Variants in DAB2IP observed in about 807,000 individuals in gnomAD.
DAB2IP encodes DAB2 interacting protein, also known as disabled homolog 2-interacting protein.
DAB2IP carries 28 observed loss-of-function variants against 107.2 expected under a neutral mutation model. The observed-to-expected ratio is 0.26, with a 90% confidence interval of 0.19 to 0.36. The LOEUF (loss-of-function observed/expected upper bound fraction) is 0.36, where lower values mean the gene tolerates loss of function less well. Ranked by LOEUF, DAB2IP falls within the 10% of genes least tolerant of loss-of-function variation. DAB2IP has a pLI of 1.00. For synonymous variants in DAB2IP, 755 were observed against 706.4 expected (o/e 1.07, Z -1.09); for missense variants, 1,400 against 1,644.7 (o/e 0.85, Z 2.57).
In DAB2IP at chr9:121,770,631, C is replaced by T. The variant is rs148506189; in HGVS notation, c.1985C>T (p.Pro662Leu). ...AGCACCCCAGGTAGCGGGCAGCTCC[C>T]AGGGACCAATGACCTGGCCTCCACA... Residue 662 changes from proline to leucine, a missense_variant, in exon 11 of 16, where the codon CCA becomes CTA. Around this residue, in one of 3 missense-constraint regions of DAB2IP, gnomAD observed 517 missense variants for 748.6 expected, o/e 0.69. Coordinates refer to ENST00000408936, the Ensembl canonical transcript of DAB2IP. 4.3e-6 allele frequency: 7 copies of T among 1,614,038 alleles called. No homozygotes were observed. Among genetic ancestry groups the T allele is most frequent in the African/African-American group, 1.3e-5 (1 of 74,910 alleles).
intron 3 of DAB2IP, among the ~76,000 whole-genome samples, chr9:121,718,478 GGAGTCTCCAGACTC>G (rs986944334): frequency 6.6e-6 from 1 of 152,084 alleles, no homozygotes; most frequent in Non-Finnish European, 1.5e-5. Flanking sequence ...AAGTCCCTCG[GGAGTCTCCAGACTC>G]GAGTCCTTAC....
chr9:121,785,305 A>G lies in DAB2IP; in HGVS notation c.*2807A>G, dbSNP rs559657344. ...CTCTTTTCTACACACTCAGCCACAA[A>G]GCCCCCCAGCTCCCACACCGCGTCC... On this transcript the variant is annotated 3_prime_UTR_variant, in exon 16 of 16. Coordinates refer to ENST00000408936, the Ensembl canonical transcript of DAB2IP. 2.6e-5 allele frequency: 4 copies of G among 152,608 alleles called. No homozygotes were observed. The East Asian group carries it at 5.8e-4, about 22-fold the overall frequency. 9.5% of individuals were successfully genotyped at this position (152,608 alleles called of 1,614,324 possible). A position where few individuals can be genotyped will look rare whatever the true frequency, so the allele number is the denominator to read the frequency against.
intron 1 of DAB2IP, among the ~76,000 whole-genome samples, chr9:121,577,108 C>A: frequency 6.6e-6 from 1 of 152,240 alleles, no homozygotes; most frequent in South Asian, 2.1e-4. Flanking sequence ...GGAGCCACAT[C>A]CCTCCATGTC....
intron 12 of DAB2IP, 52 bp downstream of exon 12, chr9:121,773,547 C>A: frequency 7.1e-7 from 1 of 1,411,438 alleles, no homozygotes; most frequent in Non-Finnish European, 9.2e-7. Flanking sequence ...CCAGCTGGGG[C>A]TGTCATACCC....
chr9:121,696,057 C>T (rs540521749), intron 2 of DAB2IP, among the ~76,000 whole-genome samples: 47 of 151,896 alleles, frequency 3.1e-4, no homozygotes, highest in Non-Finnish European at 3.7e-4. Flanking sequence ...TTAGTAGAGA[C>T]GGGGTTTTGC....
At chr9:121,603,052 T>C (rs1334745925) in intron 1 of DAB2IP, among the ~76,000 whole-genome samples, 4 of 152,044 alleles carry the variant, frequency 2.6e-5, no homozygotes, top group East Asian at 1.9e-4. Flanking sequence ...CCTGGAGGGG[T>C]TGGCAGAAAC....
chr9:121,651,751 G>A lies in DAB2IP; in HGVS notation c.-25G>A, dbSNP rs1474269192. On this transcript the variant is annotated 5_prime_UTR_variant, in exon 1 of 16. Transcript: ENST00000408936. The surrounding 1 kb of genome is among the most constrained non-coding windows in gnomAD (Gnocchi z 5.1). ...GGCCCGTGTGAGCGCGCCCAGGCCC[G>A]GCCCGGTGCCCGGCGGGCGGCAGCA... is the stretch of plus-strand genomic sequence containing the variant. 3.1e-6 allele frequency: 4 copies of A among 1,305,202 alleles called. No individual in the cohort carries two copies. Among genetic ancestry groups the A allele is most frequent in the Non-Finnish European group, 2.9e-6 (3 of 1,022,050 alleles). 80.9% of individuals were successfully genotyped at this position (1,305,202 alleles called of 1,614,324 possible).
chr9:121,576,786 G>C (rs1465504929), intron 1 of DAB2IP, among the ~76,000 whole-genome samples: 2 of 152,172 alleles, frequency 1.3e-5, no homozygotes, highest in African/African-American at 4.8e-5. Context: ...TTCTGGGCTT[G>C]CTGTGTCTGA....
At position 121,783,469 on chromosome 9, in the gene DAB2IP, A is replaced by G. The variant is rs79501541; in HGVS notation, c.*971A>G. 8,138 of 1,613,266 alleles carry G rather than the reference A, an allele frequency of 5.0e-3. 287 individuals are homozygous for G. The African/African-American group carries it at 0.085, about 17-fold the overall frequency. On this transcript the variant is annotated 3_prime_UTR_variant, in exon 16 of 16. Transcript: ENST00000408936. ...TGATCCTTCCTCTGAGTGATGGTTT[A>G]AAAAAAGATTCTAACGCCTGCAGGC...
intron 3 of DAB2IP, among the ~76,000 whole-genome samples, chr9:121,709,904 C>T (rs1287235412): frequency 2.0e-5 from 3 of 152,220 alleles, no homozygotes; most frequent in African/African-American, 7.2e-5. Context: ...CCAGGGCCCT[C>T]TCTAGTATAT....
At chr9:121,755,047 T>C (rs945818093) in intron 3 of DAB2IP, among the ~76,000 whole-genome samples, 1 of 151,994 alleles carries the variant, frequency 6.6e-6, no homozygotes, top group Non-Finnish European at 1.5e-5. Context: ...TGAAGCCCCA[T>C]GTGGGAGGGA....
intron 3 of DAB2IP, among the ~76,000 whole-genome samples, chr9:121,720,407 A>C (rs952511823): frequency 4.6e-5 from 7 of 152,200 alleles, no homozygotes; most frequent in African/African-American, 4.8e-5. Flanking sequence ...AGGCCCTGGA[A>C]TAATTAACTT....
At chr9:121,574,087 T>C (rs1830006632) in intron 1 of DAB2IP, among the ~76,000 whole-genome samples, 1 of 152,186 alleles carries the variant, frequency 6.6e-6, no homozygotes, top group Non-Finnish European at 1.5e-5. Context: ...GGGCCTGATA[T>C]CATGACTCCC....
chr9:121,579,517 C>T (rs1830143144), intron 1 of DAB2IP, among the ~76,000 whole-genome samples: 1 of 152,106 alleles, frequency 6.6e-6, no homozygotes, highest in Non-Finnish European at 1.5e-5. Context: ...ACCAAGTCCA[C>T]CTCTGCCACC....
At chr9:121,653,082 C>A (rs921328715) in intron 1 of DAB2IP, among the ~76,000 whole-genome samples, 4 of 152,212 alleles carry the variant, frequency 2.6e-5, no homozygotes, top group East Asian at 1.9e-4. Context: ...GCAATCCCCC[C>A]ACTCCTGCCT....
At chr9:121,704,574 G>A (rs1387045412) in intron 3 of DAB2IP, among the ~76,000 whole-genome samples, 2 of 152,080 alleles carry the variant, frequency 1.3e-5, no homozygotes, top group African/African-American at 4.8e-5. Context: ...TCCCATGTAG[G>A]TGGATCCTAC....
exon 5 of DAB2IP, chr9:121,758,974 G>T: frequency 5.0e-6 from 8 of 1,612,942 alleles, no homozygotes; most frequent in East Asian, 2.2e-5. Flanking sequence ...GAGAACCTCC[G>T]GCGAGCGGTG....
intron 1 of DAB2IP, among the ~76,000 whole-genome samples, chr9:121,597,339 A>C (rs956378084): frequency 6.6e-6 from 1 of 152,104 alleles, no homozygotes; most frequent in Non-Finnish European, 1.5e-5. Flanking sequence ...TGGACATTCT[A>C]TTGCTCTAGC....
At chr9:121,670,865 A>C (rs944804414) in intron 1 of DAB2IP, among the ~76,000 whole-genome samples, 1 of 151,762 alleles carries the variant, frequency 6.6e-6, no homozygotes, top group African/African-American at 2.4e-5. Flanking sequence ...AAAAATACAA[A>C]AATTAGGCCG....
Sources: gnomAD v4.1 joint callset for allele counts (sites outside exome capture counted in the v4.1 genomes callset) on GRCh38, gnomAD v4.1.1 for gene constraint, gnomAD v4.1.1 regional missense constraint, Gnocchi (gnomAD v3.1) non-coding constraint, MANE v1.5 for transcripts, NCBI Gene and HGNC (gene_info 2026-07-23, HGNC 2026-07-21) for gene names.